BCAS1: variants seen among roughly 807,000 people sequenced by gnomAD.
BCAS1 encodes brain enriched myelin associated protein 1.
BCAS1 carries 46 observed loss-of-function variants against 65.4 expected under a neutral mutation model. The observed-to-expected ratio is 0.70, with a 90% CI of 0.55 to 0.90. BCAS1 has a LOEUF of 0.90. Among genes scored for constraint, BCAS1 ranks in the 40% least tolerant of loss-of-function variants. The pLI is 0.00. For synonymous variants in BCAS1, 298 were observed against 293.5 expected (o/e 1.02, Z -0.16); for missense variants, 793 against 771.2 (o/e 1.03, Z -0.33).
chr20:54,059,036 GC>G (rs2092343510), intron 1 of BCAS1, among the ~76,000 whole-genome samples: 1 of 152,176 alleles, frequency 6.6e-6, no homozygotes, highest in Non-Finnish European at 1.5e-5. Flanking sequence ...CTGGGGAAAT[GC>G]CAGATGCTTA....
At chr20:53,975,250 A>C (rs1323090300) in intron 9 of BCAS1, 139 bp downstream of exon 9, 4 of 625,960 alleles carry the variant, frequency 6.4e-6, no homozygotes, top group Non-Finnish European at 1.1e-5. Context: ...CTAATCACAT[A>C]CGGGATAAGA....
At chr20:53,955,783 A>G (rs1028805218) in intron 11 of BCAS1, among the ~76,000 whole-genome samples, 4 of 62,898 alleles carry the variant, frequency 6.4e-5, no homozygotes, top group Non-Finnish European at 1.5e-4. Flanking sequence ...AAACACTCCT[A>G]GGTGGGATGT....
At chr20:54,069,081 T>G (rs564588099) in intron 1 of BCAS1, among the ~76,000 whole-genome samples, 1 of 152,256 alleles carries the variant, frequency 6.6e-6, no homozygotes, top group South Asian at 2.1e-4. Context: ...TCCCCCACCC[T>G]CACTTAAATG....
chr20:53,977,553 G>C (rs563866213), intron 8 of BCAS1, among the ~76,000 whole-genome samples: 5 of 152,142 alleles, frequency 3.3e-5, no homozygotes, highest in Non-Finnish European at 7.4e-5. Flanking sequence ...TTGATTGCCT[G>C]TGTCTAGAAA....
chr20:54,001,664 G>A (rs68120080), intron 4 of BCAS1, among the ~76,000 whole-genome samples: 25,420 of 151,940 alleles, frequency 0.17, 2,402 homozygotes, highest in East Asian at 0.29. Flanking sequence ...CATTCTCCAC[G>A]CCTTAGCAAT....
At chr20:53,965,588 A>T (rs2090005743) in intron 10 of BCAS1, among the ~76,000 whole-genome samples, 1 of 152,192 alleles carries the variant, frequency 6.6e-6, no homozygotes, top group Admixed American at 6.5e-5. Context: ...TCTATTCTAC[A>T]CAAATTAAAA....
chr20:53,972,762 G>C (rs1490944755), intron 9 of BCAS1, among the ~76,000 whole-genome samples: 1 of 152,136 alleles, frequency 6.6e-6, no homozygotes, highest in African/African-American at 2.4e-5. Context: ...ACTGAAGTAA[G>C]CACGTTATAG....
chr20:53,949,260 G>T (rs2089437677), intron 12 of BCAS1, among the ~76,000 whole-genome samples: 1 of 152,134 alleles, frequency 6.6e-6, no homozygotes, highest in Admixed American at 6.5e-5. Context: ...AAACAAAAAA[G>T]TCCCTTTGCT....
chr20:54,062,438 G>A (rs751701052), intron 1 of BCAS1, among the ~76,000 whole-genome samples: 1 of 152,160 alleles, frequency 6.6e-6, no homozygotes, highest in Non-Finnish European at 1.5e-5. Flanking sequence ...TCAAGGATAC[G>A]CGCAAACACA....
intron 7 of BCAS1, among the ~76,000 whole-genome samples, chr20:53,991,463 G>C (rs1324668366): frequency 6.6e-6 from 1 of 152,182 alleles, no homozygotes; most frequent in Non-Finnish European, 1.5e-5. Context: ...TCCAGGTAGG[G>C]AAGTTTTTTT....
chr20:53,944,798 T>C lies in BCAS1; in HGVS notation c.*124A>G. 1 of 942,632 alleles carries C rather than the reference T, an allele frequency of 1.1e-6. No homozygotes were observed. The highest frequency in any genetic ancestry group is 1.7e-6 in the Non-Finnish European group (1 of 575,838). 58.4% of individuals were successfully genotyped at this position (942,632 alleles called of 1,614,324 possible). On this transcript the variant is annotated 3_prime_UTR_variant, in exon 13 of 13. Transcript: ENST00000688948. ...TATACAACAGCTCGGGCTTAATTTCTAGGCAGAATTTCATTTGCTGGCCAT... is the reference window on the plus strand; with the variant it reads ...TATACAACAGCTCGGGCTTAATTTCCAGGCAGAATTTCATTTGCTGGCCAT...
At chr20:53,977,185 C>T (rs559429474) in intron 8 of BCAS1, among the ~76,000 whole-genome samples, 1 of 152,244 alleles carries the variant, frequency 6.6e-6, no homozygotes, top group East Asian at 1.9e-4. Context: ...GGGAAACTTC[C>T]CCCATGATCC....
intron 4 of BCAS1, among the ~76,000 whole-genome samples, chr20:54,021,646 C>T (rs930540720): frequency 7.9e-5 from 12 of 151,768 alleles, no homozygotes; most frequent in East Asian, 1.9e-4. Context: ...AACCAAACAC[C>T]GCATGTTCTC....
intron 4 of BCAS1, among the ~76,000 whole-genome samples, chr20:54,019,149 T>G (rs1418914765): frequency 6.6e-6 from 1 of 152,194 alleles, no homozygotes; most frequent in East Asian, 1.9e-4. Context: ...TTTTATTTTA[T>G]TTTACTTCTT....
chr20:54,002,697 T>C (rs6097717), intron 4 of BCAS1, among the ~76,000 whole-genome samples: 10,681 of 152,168 alleles, frequency 0.07, 1,229 homozygotes, highest in African/African-American at 0.24. Context: ...TCTTTTTATA[T>C]TAATTAGTGA....
chr20:53,963,824 T>C (rs1012387666), intron 10 of BCAS1, among the ~76,000 whole-genome samples: 1 of 152,236 alleles, frequency 6.6e-6, no homozygotes, highest in African/African-American at 2.4e-5. Flanking sequence ...TAAGAATGAT[T>C]GCTAGAGCCA....
At chr20:53,989,510 T>A (rs771761595) in intron 7 of BCAS1, among the ~76,000 whole-genome samples, 4 of 152,094 alleles carry the variant, frequency 2.6e-5, no homozygotes, top group Non-Finnish European at 5.9e-5. Flanking sequence ...GTCATTCAAT[T>A]AATAATTACA....
chr20:53,993,895 C>T (rs1255132713), intron 6 of BCAS1, among the ~76,000 whole-genome samples: 3 of 152,204 alleles, frequency 2.0e-5, no homozygotes, highest in African/African-American at 7.2e-5. Context: ...CCAATCTTGG[C>T]TGTGATCATT....
intron 4 of BCAS1, among the ~76,000 whole-genome samples, chr20:53,997,852 C>T (rs1259314466): frequency 6.6e-6 from 1 of 151,984 alleles, no homozygotes; most frequent in Non-Finnish European, 1.5e-5. Flanking sequence ...GGGAGGCGGA[C>T]TCGACTCTCA....
Sources: gnomAD v4.1 joint callset for allele counts (sites outside exome capture counted in the v4.1 genomes callset) on GRCh38, gnomAD v4.1.1 for gene constraint, MANE v1.5 for transcripts, NCBI Gene and HGNC (gene_info 2026-07-23, HGNC 2026-07-21) for gene names.